PCDH9: variants seen among roughly 807,000 people sequenced by gnomAD.
PCDH9 encodes the protein protocadherin 9.
Under a neutral mutation model 70.6 loss-of-function variants are expected in PCDH9, and 24 were observed. The ratio of observed to expected loss-of-function variants is 0.34; its 90% CI spans 0.25 to 0.48. PCDH9 has a LOEUF of 0.48. Among genes scored for constraint, PCDH9 ranks in the 20% least tolerant of loss-of-function variants. The pLI is 0.99. For synonymous variants in PCDH9, 562 were observed against 558.5 expected, an observed-to-expected ratio of 1.01 and a Z score of -0.09; for missense variants, 1,281 against 1,503.6, an observed-to-expected ratio of 0.85 and a Z score of 2.45.
At chr13:66,374,529 T>C (rs1956716241) in intron 4 of PCDH9, among the ~76,000 whole-genome samples, 1 of 152,040 alleles carries the variant, frequency 6.6e-6, no homozygotes, top group Non-Finnish European at 1.5e-5. Flanking sequence ...TTAATTTAAT[T>C]TTTACAGTAA....
chr13:66,976,149 G>T (rs554173246), intron 2 of PCDH9, among the ~76,000 whole-genome samples: 4 of 152,164 alleles, frequency 2.6e-5, no homozygotes, highest in African/African-American at 9.6e-5. Context: ...GCTGCCTACT[G>T]TCTCATCCAA....
intron 4 of PCDH9, among the ~76,000 whole-genome samples, chr13:66,449,074 A>G (rs1281332797): frequency 6.6e-6 from 1 of 152,176 alleles, no homozygotes; most frequent in East Asian, 1.9e-4. Context: ...AGACAAGGGG[A>G]TAAAATCATC....
chr13:66,481,905 T>C lies in PCDH9; in HGVS notation c.3340+149305A>G, dbSNP rs1467264214. 2.0e-5 allele frequency among the ~76,000 whole-genome samples: 3 copies of C among 151,580 alleles called. No individual in the cohort carries two copies. In the East Asian group the frequency reaches 5.8e-4, roughly 29 times the overall value. ...TCATTAACAAAAATACTTCAGAAAA[T>C]ACTGAATAAAAATCATAAGTCCAAA... is the stretch of plus-strand genomic sequence containing the variant. On this transcript the variant is annotated intron_variant, in intron 4 of 4. Transcript: ENST00000377865.
chr13:66,578,948 G>A (rs2076852690), intron 4 of PCDH9, among the ~76,000 whole-genome samples: 1 of 151,988 alleles, frequency 6.6e-6, no homozygotes, highest in African/African-American at 2.4e-5. Context: ...ATCTCTGCAA[G>A]GCAAGGTAAC....
chr13:66,337,572 T>A (rs1457578832), intron 4 of PCDH9, among the ~76,000 whole-genome samples: 1 of 150,994 alleles, frequency 6.6e-6, no homozygotes, highest in Non-Finnish European at 1.5e-5. Context: ...CTTCATGGGA[T>A]GCAAACTCAT....
In PCDH9 at chr13:66,303,121, T is replaced by C. The variant is rs1490581079; in HGVS notation, c.*1534A>G. ...TTTTTTTAAATTTTTTGTTTTTTTT[T>C]TGTTTTTTTTACTTTTAAATTGATG... On this transcript the variant is annotated 3_prime_UTR_variant, in exon 5 of 5. Transcript: ENST00000377865. 1 of 152,422 alleles carries C rather than the reference T, an allele frequency of 6.6e-6. No individual in the cohort carries two copies. The highest frequency in any genetic ancestry group is 1.9e-4 in the East Asian group (1 of 5,182). The allele number at this position is 152,422 out of a possible 1,614,324, so 9.4% of individuals were successfully genotyped here.
At chr13:66,746,428 T>C (rs896608868) in intron 3 of PCDH9, among the ~76,000 whole-genome samples, 2 of 152,146 alleles carry the variant, frequency 1.3e-5, no homozygotes, top group Non-Finnish European at 2.9e-5. Flanking sequence ...CAATTCCTGA[T>C]CAAATTGTAT....
At chr13:66,981,622 G>GA (rs1207730102) in intron 2 of PCDH9, among the ~76,000 whole-genome samples, 1 of 151,654 alleles carries the variant, frequency 6.6e-6, no homozygotes, top group African/African-American at 2.4e-5. Flanking sequence ...CCAGCAAAAA[G>GA]AAAAAAAGTA....
intron 2 of PCDH9, among the ~76,000 whole-genome samples, chr13:67,141,730 C>T (rs867230393): frequency 2.0e-5 from 3 of 150,178 alleles, no homozygotes; most frequent in Admixed American, 6.7e-5. Context: ...TGAGTTCCTG[C>T]GCCCAGCCAA....
At chr13:66,712,469 C>A (rs1217080718) in intron 3 of PCDH9, among the ~76,000 whole-genome samples, 1 of 151,582 alleles carries the variant, frequency 6.6e-6, no homozygotes, top group East Asian at 1.9e-4. Context: ...AGAATTATTC[C>A]TTTAAATACA....
chr13:66,802,244 T>C (rs576894061), intron 3 of PCDH9, among the ~76,000 whole-genome samples: 1 of 152,114 alleles, frequency 6.6e-6, no homozygotes, highest in South Asian at 2.1e-4. Flanking sequence ...CATGAAAATA[T>C]CACAGAGACA....
chr13:66,534,458 G>C (rs533682332), intron 4 of PCDH9, among the ~76,000 whole-genome samples: 83 of 152,068 alleles, frequency 5.5e-4, no homozygotes, highest in African/African-American at 1.9e-3. Flanking sequence ...ATCCCCATGT[G>C]GCAGAAAGAG....
chr13:66,415,471 C>T (rs1195871521), intron 4 of PCDH9, among the ~76,000 whole-genome samples: 1 of 152,104 alleles, frequency 6.6e-6, no homozygotes, highest in African/African-American at 2.4e-5. Context: ...TGTGTCAATT[C>T]CCACAGCACA....
chr13:66,564,925 G>A (rs534634461), intron 4 of PCDH9, among the ~76,000 whole-genome samples: 1 of 151,786 alleles, frequency 6.6e-6, no homozygotes, highest in African/African-American at 2.4e-5. Flanking sequence ...CAATGGAAGG[G>A]TTATACTCAT....
At chr13:66,705,489 C>T (rs1294949815) in intron 3 of PCDH9, among the ~76,000 whole-genome samples, 1 of 152,196 alleles carries the variant, frequency 6.6e-6, no homozygotes, top group Non-Finnish European at 1.5e-5. Context: ...TCCCCCATCA[C>T]ACCTAAATAA....
chr13:66,370,338 A>G (rs1208862061), intron 4 of PCDH9, among the ~76,000 whole-genome samples: 2 of 152,042 alleles, frequency 1.3e-5, no homozygotes, highest in African/African-American at 4.8e-5. Flanking sequence ...GGCTAATTAC[A>G]TAGATGGACC....
At chr13:67,159,780 C>T (rs73509467) in intron 2 of PCDH9, among the ~76,000 whole-genome samples, 3 of 152,126 alleles carry the variant, frequency 2.0e-5, no homozygotes, top group East Asian at 1.9e-4. Flanking sequence ...AAGAACAAAA[C>T]GAACCTGACA....
At chr13:66,856,874 G>A (rs754149680) in intron 3 of PCDH9, among the ~76,000 whole-genome samples, 68 of 151,932 alleles carry the variant, frequency 4.5e-4, no homozygotes, top group Admixed American at 7.9e-4. Context: ...CCAGGTACAA[G>A]TCTTTTTACC....
chr13:66,529,955 T>G (rs117790134), intron 4 of PCDH9, among the ~76,000 whole-genome samples: 246 of 152,054 alleles, frequency 1.6e-3, no homozygotes, highest in Non-Finnish European at 2.9e-3. Flanking sequence ...ACAACTTTTA[T>G]GATGAATTAT....
Sources: gnomAD v4.1 joint callset for allele counts (sites outside exome capture counted in the v4.1 genomes callset) on GRCh38, gnomAD v4.1.1 for gene constraint, MANE v1.5 for transcripts, NCBI Gene and HGNC (gene_info 2026-07-23, HGNC 2026-07-21) for gene names.